Variants in NR0B1 observed in about 807,000 individuals in gnomAD.
NR0B1 encodes nuclear receptor subfamily 0 group B member 1.
A neutral mutation model predicts 23.0 loss-of-function variants in NR0B1; 3 were observed. The observed-to-expected ratio is 0.13, with a 90% CI of 0.06 to 0.34. The LOEUF is 0.34. Ranked by LOEUF, NR0B1 falls within the 10% of genes least tolerant of loss-of-function variation. NR0B1 has a pLI of 1.00. For synonymous variants in NR0B1, 205 were observed against 184.0 expected, an observed-to-expected ratio of 1.11 and a Z score of -0.92; for missense variants, 350 against 402.9, an observed-to-expected ratio of 0.87 and a Z score of 1.12.
intron 1 of NR0B1, chrX:30,305,758 C>T (rs1330134020): frequency 2.0e-5 from 9 of 448,145 alleles, no homozygotes; most frequent in East Asian, 1.3e-4. Context: ...ATGATAATAT[C>T]GTTGCAAAGT....
chrX:30,304,506 C>T lies in NR0B1; in HGVS notation c.*73G>A. 9.2e-7 allele frequency: 1 copy of T among 1,088,094 alleles called. No individual in the cohort carries two copies. Among genetic ancestry groups the T allele is most frequent in the Admixed American group, 2.2e-5 (1 of 44,940 alleles). The allele number at this position is 1,088,094 out of a possible 1,213,427, so 89.7% of individuals were successfully genotyped here. ...AAAGTTTATTTTAAAATATTTTACA[C>T]TCTTTTGCCCACAGCTCTTTATTCT... is the stretch of plus-strand genomic sequence containing the variant. On this transcript the variant is annotated 3_prime_UTR_variant, in exon 2 of 2. Coordinates refer to ENST00000378970, the MANE Select transcript of NR0B1 (RefSeq NM_000475.5).
chrX:30,305,804 A>T lies in NR0B1; in HGVS notation c.1169-981T>A, dbSNP rs939566100. 4 of 471,934 alleles carry T rather than the reference A, an allele frequency of 8.5e-6. No homozygotes were observed. In the African/African-American group the frequency reaches 1.0e-4, roughly 12 times the overall value. The allele number at this position is 471,934 out of a possible 1,213,427, so 38.9% of individuals were successfully genotyped here. A position where few individuals can be genotyped will look rare whatever the true frequency, so the allele number is the denominator to read the frequency against. On this transcript the variant is annotated intron_variant, in intron 1 of 1. Coordinates refer to ENST00000378970, the MANE Select transcript of NR0B1 (RefSeq NM_000475.5). ...GTATTCAAGTAATTAGCAGTTGACC[A>T]CTTGGTTTAAATGATGTTAATGATG...
chrX:30,309,328 G>A lies in NR0B1; in HGVS notation c.36C>T (p.Ile12=). The A allele has an allele frequency of 8.3e-7, 1 of 1,203,605 alleles. No homozygotes were observed. Among genetic ancestry groups the A allele is most frequent in the South Asian group, 1.8e-5 (1 of 56,558 alleles). ...AGENHQWQGS[I]LYNMLMSAKQ... is the part of the protein sequence containing the mutation. The stretch of plus-strand genomic sequence containing the variant: ...TCGCGCTCATAAGCATGTTGTAGAG[G>A]ATGCTGCCCTGCCACTGGTGGTTCT... Residue 12 remains isoleucine, a synonymous_variant, in exon 1 of 2, where the codon ATC becomes ATT. Transcript: ENST00000378970.
chrX:30,307,675 C>T (rs1476134388), intron 1 of NR0B1, among the ~76,000 whole-genome samples: 1 of 111,336 alleles, frequency 9.0e-6, no homozygotes, highest in Non-Finnish European at 1.9e-5. Flanking sequence ...TGAAACACTA[C>T]ATCTAGTGTC....
In NR0B1 at chrX:30,304,539, T is replaced by C. The variant is rs181865731; in HGVS notation, c.*40A>G. On this transcript the variant is annotated 3_prime_UTR_variant, in exon 2 of 2. Transcript: ENST00000378970. Reference sequence around the variant, plus strand: ...CCCACAGCTCTTTATTCTTCCCTCATGGTGAACTGCACTACTGCACTTGTG... The same window carrying C: ...CCCACAGCTCTTTATTCTTCCCTCACGGTGAACTGCACTACTGCACTTGTG... 3.0e-4 allele frequency: 363 copies of C among 1,198,392 alleles called. No individual in the cohort carries two copies. The African/African-American group carries it at 5.6e-3, about 18-fold the overall frequency.
At chrX:30,306,353 G>A in intron 1 of NR0B1, among the ~76,000 whole-genome samples, 1 of 111,133 alleles carries the variant, frequency 9.0e-6, no homozygotes, top group South Asian at 3.9e-4. Context: ...AATGCAAATG[G>A]ACTCCACAGT....
At chrX:30,305,300 C>T (rs752858383) in intron 1 of NR0B1, among the ~76,000 whole-genome samples, 8 of 112,330 alleles carry the variant, frequency 7.1e-5, no homozygotes, top group Non-Finnish European at 9.4e-5. Context: ...TGGTGGTAAA[C>T]TTCACAGCCA....
Position 30,308,695 on chromosome X carries a change from C to T in NR0B1, c.669G>A (p.Ala223=), listed in dbSNP as rs1311357786. 2 of 1,200,407 alleles carry T rather than the reference C, an allele frequency of 1.7e-6. No homozygotes were observed. The highest frequency in any genetic ancestry group is 2.2e-6 in the Non-Finnish European group (2 of 890,344). Residue 223 remains alanine (A), a synonymous_variant, in exon 1 of 2, where the codon GCG becomes GCA. Transcript: ENST00000378970. ...LYCVPTSTNQ[A]QAAPEERPRA... ...TCGGCCGCTCCTCCGGAGCCGCCTG[C>T]GCTTGATTTGTGCTCGTGGGCACGC...
Position 30,304,233 on chromosome X carries a change from A to G in NR0B1, c.*346T>C. On this transcript the variant is annotated 3_prime_UTR_variant, in exon 2 of 2. Coordinates refer to ENST00000378970, the MANE Select transcript of NR0B1 (RefSeq NM_000475.5). ...GCTTTTTTCAATCAAGTTAATAGTTAAGACCTTAAAATTTATTATAACAAT... is the reference window on the plus strand; with the variant it reads ...GCTTTTTTCAATCAAGTTAATAGTTGAGACCTTAAAATTTATTATAACAAT... 5.7e-6 allele frequency: 1 copy of G among 174,526 alleles called. No individual in the cohort carries two copies. Among genetic ancestry groups the G allele is most frequent in the Non-Finnish European group, 1.1e-5 (1 of 92,921 alleles). The allele number at this position is 174,526 out of a possible 1,213,427, so 14.4% of individuals were successfully genotyped here. A position where few individuals can be genotyped will look rare whatever the true frequency, so the allele number is the denominator to read the frequency against.
rs746136176 is a variant in NR0B1 at position 30,308,296 on chromosome X, G to A, written c.1068C>T (p.Ser356=). Residue 356 remains serine, a synonymous_variant, in exon 1 of 2, where the codon TCC becomes TCT. Coordinates refer to ENST00000378970, the MANE Select transcript of NR0B1 (RefSeq NM_000475.5). ...GAAAGCACTTGATGGCTTGGACCTGGGAGGCGGAGGGCACCTTCCTGGCCT... is the reference window on the plus strand; with the variant it reads ...GAAAGCACTTGATGGCTTGGACCTGAGAGGCGGAGGGCACCTTCCTGGCCT... The part of the protein sequence containing the change: ...PAEARKVPSA[S]QVQAIKCFLS... 6 of 1,210,634 alleles carry A rather than the reference G, an allele frequency of 5.0e-6. No homozygotes were observed. Among genetic ancestry groups the A allele is most frequent in the Non-Finnish European group, 6.7e-6 (6 of 894,213 alleles).
chrX:30,309,083 G>A lies in NR0B1; in HGVS notation c.281C>T (p.Pro94Leu). Residue 94 changes from proline (P) to leucine (L), a missense_variant, in exon 1 of 2, where the codon CCG becomes CTG. By Grantham distance (98) the Pro-to-Leu change is moderately conservative. Around this residue, in one of 2 missense-constraint regions of NR0B1, gnomAD observed 298 missense variants for 314.0 expected, o/e 0.95. Transcript: ENST00000378970. ...ACCCAGCGTCGCCTCGGGCGCCTTC[G>A]GTGCCGCGTACGTTTGCTTTGCGCT... ...LTSAKQTYAA[P>L]KAPEATLGPC... 8.3e-7 allele frequency: 1 copy of A among 1,202,830 alleles called. No individual in the cohort carries two copies.
rs1275730944 is a variant in NR0B1 at position 30,308,782 on chromosome X, C to A, written c.582G>T (p.Ala194=). The A allele has an allele frequency of 1.3e-5, 15 of 1,189,024 alleles. No individual in the cohort carries two copies. The highest frequency in any genetic ancestry group is 4.7e-4 in the Middle Eastern group (2 of 4,213). Residue 194 remains alanine, a synonymous_variant, in exon 1 of 2, where the codon GCG becomes GCT. Coordinates refer to ENST00000378970, the MANE Select transcript of NR0B1 (RefSeq NM_000475.5). ...KEALPGGRAT[A]LLYRCCFCGE... ...CGCAAAAGCAGCAGCGGTACAGAAG[C>A]GCCGTGGCCCGCCCGCCTGGTAGCG...
intron 1 of NR0B1, among the ~76,000 whole-genome samples, chrX:30,307,380 G>T (rs1276200136): frequency 9.0e-6 from 1 of 111,073 alleles, no homozygotes; most frequent in Non-Finnish European, 1.9e-5. Flanking sequence ...GGGCCCAGAA[G>T]ACAGGACCCT....
In NR0B1 at chrX:30,308,380, G is replaced by A; in HGVS notation, c.984C>T (p.Thr328=). Residue 328 remains threonine, a synonymous_variant, in exon 1 of 2, where the codon ACC becomes ACT. Coordinates refer to ENST00000378970, the MANE Select transcript of NR0B1 (RefSeq NM_000475.5). ...QKILTTRRRE[T]GGNEPLPVPT... ...GCACGGGCAGTGGCTCGTTGCCCCCGGTCTCCCGCCGCCTGGTGGTGAGGA... is the reference window on the plus strand; with the variant it reads ...GCACGGGCAGTGGCTCGTTGCCCCCAGTCTCCCGCCGCCTGGTGGTGAGGA... 1.7e-6 allele frequency: 2 copies of A among 1,209,410 alleles called. No homozygotes were observed. The highest frequency in any genetic ancestry group is 1.1e-6 in the Non-Finnish European group (1 of 894,232).
At chrX:30,304,970 G>A (rs1365736428) in intron 1 of NR0B1, 147 bp from the exon 2 acceptor site, 3 of 593,889 alleles carry the variant, frequency 5.1e-6, no homozygotes, top group African/African-American at 2.3e-5. Context: ...ACCAGTCTAC[G>A]TTTTCAGAAG....
intron 1 of NR0B1, among the ~76,000 whole-genome samples, chrX:30,306,503 C>G (rs146768109): frequency 1.3e-3 from 139 of 111,118 alleles, no homozygotes; most frequent in African/African-American, 4.2e-3. Flanking sequence ...ATTTGTGTTT[C>G]AAACACACTC....
intron 1 of NR0B1, chrX:30,305,933 A>G (rs1263848813): frequency 2.7e-6 from 1 of 364,517 alleles, no homozygotes; most frequent in African/African-American, 2.7e-5. Flanking sequence ...GTTCTTTAAA[A>G]AAATAATAAT....
At chrX:30,307,473 C>T (rs778812545) in intron 1 of NR0B1, among the ~76,000 whole-genome samples, 78 of 111,367 alleles carry the variant, frequency 7.0e-4, no homozygotes, top group African/African-American at 2.4e-3. Context: ...GGGGAGGCTA[C>T]AGAGCAAAGG....
Position 30,308,663 on chromosome X carries a change from G to C in NR0B1, c.701C>G (p.Pro234Arg). ...QAAPEERPRA[P>R]WWDTSSGALR... ...CGCACCAGAGGAGGTGTCCCACCAG[G>C]GGGCCCTCGGCCGCTCCTCCGGAGC... Residue 234 changes from proline (P) to arginine (R), a missense_variant, in exon 1 of 2, where the codon CCC becomes CGC. This residue lies in a region of NR0B1 where 298 missense variants were observed against 314.0 expected (regional missense o/e 0.95). Transcript: ENST00000378970. The C allele has an allele frequency of 1.7e-6, 2 of 1,202,901 alleles. No homozygotes were observed. The highest frequency in any genetic ancestry group is 2.2e-6 in the Non-Finnish European group (2 of 891,639).
Sources: allele counts gnomAD v4.1 joint callset (sites outside exome capture counted in the v4.1 genomes callset), GRCh38; gene constraint gnomAD v4.1.1; regional missense constraint gnomAD v4.1.1; transcripts MANE v1.5; gene names NCBI Gene and HGNC (gene_info 2026-07-23, HGNC 2026-07-21).